The following SDK1 variants were observed in gnomAD, a reference collection of about 807,000 sequenced individuals.
SDK1 encodes the protein protein sidekick-1.
A neutral mutation model predicts 245.5 loss-of-function variants in SDK1; 157 were observed. The ratio of observed to expected loss-of-function variants is 0.64; its 90% confidence interval spans 0.56 to 0.73. SDK1 has a LOEUF of 0.73. Ranked by LOEUF, SDK1 falls within the 30% of genes least tolerant of loss-of-function variation. The pLI, the probability that SDK1 is intolerant of heterozygous loss-of-function variation, is 0.00. For synonymous variants in SDK1, 1,647 were observed against 1,278.5 expected, an observed-to-expected ratio of 1.29 and a Z score of -6.15; for missense variants, 3,583 against 3,002.3, an observed-to-expected ratio of 1.19 and a Z score of -4.52.
chr7:4,173,860 C>T (rs944390745), intron 32 of SDK1, among the ~76,000 whole-genome samples: 4 of 152,184 alleles, frequency 2.6e-5, no homozygotes, highest in East Asian at 1.9e-4. Context: ...GGCCGCCTCT[C>T]GAGGTTCCAC....
intron 4 of SDK1, among the ~76,000 whole-genome samples, chr7:3,679,268 A>G (rs545335964): frequency 6.6e-6 from 1 of 152,336 alleles, no homozygotes; most frequent in East Asian, 1.9e-4. Context: ...AATTCCTATT[A>G]GAAAATGGGC....
At chr7:3,654,773 G>A (rs78601625) in intron 4 of SDK1, among the ~76,000 whole-genome samples, 3,922 of 152,264 alleles carry the variant, frequency 0.026, 171 homozygotes, top group African/African-American at 0.089. Flanking sequence ...AGTTGGCCAT[G>A]TAGTATCTAA....
chr7:3,995,078 T>G (rs901377633), intron 14 of SDK1, among the ~76,000 whole-genome samples: 1 of 152,156 alleles, frequency 6.6e-6, no homozygotes, highest in Admixed American at 6.5e-5. Flanking sequence ...ATTCTAGGCT[T>G]CTTAGCATGG....
chr7:3,868,974 A>G (rs1227924742), intron 5 of SDK1, among the ~76,000 whole-genome samples: 4 of 152,190 alleles, frequency 2.6e-5, no homozygotes, highest in African/African-American at 4.8e-5. Context: ...AGGCAGTAAT[A>G]CAAAAGGGAA....
chr7:4,177,227 C>A (rs1391102366), intron 34 of SDK1, among the ~76,000 whole-genome samples: 1 of 152,212 alleles, frequency 6.6e-6, no homozygotes. Flanking sequence ...GGGCTGGTAG[C>A]TGGCAGGAGG....
chr7:3,401,529 G>T (rs1201070044), intron 1 of SDK1, among the ~76,000 whole-genome samples: 1 of 152,110 alleles, frequency 6.6e-6, no homozygotes, highest in African/African-American at 2.4e-5. Context: ...TTTGCTGGGG[G>T]AAAATAACAA....
chr7:3,704,071 C>A (rs1784817488), intron 4 of SDK1, among the ~76,000 whole-genome samples: 1 of 152,078 alleles, frequency 6.6e-6, no homozygotes, highest in African/African-American at 2.4e-5. Flanking sequence ...TTCCCATAGT[C>A]CATTATATTG....
intron 5 of SDK1, among the ~76,000 whole-genome samples, chr7:3,895,930 G>A (rs535144841): frequency 1.3e-5 from 2 of 152,014 alleles, no homozygotes; most frequent in South Asian, 2.1e-4. Flanking sequence ...TTAATTCTGC[G>A]GTGGCCAGAA....
chr7:4,208,015 C>G (rs962465653), intron 36 of SDK1, 84 bp from the exon 37 acceptor site: 6 of 1,034,680 alleles, frequency 5.8e-6, no homozygotes, highest in Non-Finnish European at 8.7e-6. Flanking sequence ...AGCTCACCCC[C>G]TCGCTTTGAC....
intron 1 of SDK1, among the ~76,000 whole-genome samples, chr7:3,386,877 A>G (rs1267984073): frequency 6.6e-6 from 1 of 152,226 alleles, no homozygotes; most frequent in African/African-American, 2.4e-5. Context: ...AACTAACACA[A>G]GGCTGTCATG....
chr7:3,537,771 G>C (rs567645997), intron 1 of SDK1, among the ~76,000 whole-genome samples: 1 of 152,284 alleles, frequency 6.6e-6, no homozygotes, highest in East Asian at 1.9e-4. Context: ...GAGCTGGTCA[G>C]GTTCCCTGGA....
chr7:3,861,130 A>G (rs1036900239), intron 5 of SDK1, among the ~76,000 whole-genome samples: 11 of 152,194 alleles, frequency 7.2e-5, no homozygotes, highest in Admixed American at 2.6e-4. Context: ...ACATGATCAC[A>G]GGGAGACACG....
chr7:3,418,145 G>GCAAA lies in SDK1; in HGVS notation c.298+116261_298+116262insCAAA, dbSNP rs1292199670. Among the ~76,000 whole-genome samples, 93 of 119,710 alleles carry GCAAA rather than the reference G, an allele frequency of 7.8e-4. 6 individuals are homozygous for GCAAA. Among genetic ancestry groups the GCAAA allele is most frequent in the African/African-American group, 1.5e-3 (39 of 25,776 alleles). The allele number at this position is 119,710 out of a possible 152,430, so 78.5% of individuals were successfully genotyped here. A position where few individuals can be genotyped will look rare whatever the true frequency, so the allele number is the denominator to read the frequency against. On this transcript the variant is annotated intron_variant, in intron 1 of 44. Coordinates refer to ENST00000404826, the MANE Select transcript of SDK1 (RefSeq NM_152744.4). ...GTGAAACCCGATCTCTACTAAAAAT[G>GCAAA]AAAAAAAAAAAAAAAAAAAAAAATA...
At chr7:3,557,428 G>A (rs1779621929) in intron 1 of SDK1, among the ~76,000 whole-genome samples, 1 of 152,206 alleles carries the variant, frequency 6.6e-6, no homozygotes, top group Non-Finnish European at 1.5e-5. Flanking sequence ...TAGGGAAATG[G>A]AGAGAGGGTA....
At chr7:3,709,473 C>T (rs555467078) in intron 4 of SDK1, among the ~76,000 whole-genome samples, 1 of 152,310 alleles carries the variant, frequency 6.6e-6, no homozygotes, top group South Asian at 2.1e-4. Flanking sequence ...TTGCCAGGTT[C>T]CCTGGAGGCA....
At chr7:3,487,236 A>G (rs866021929) in intron 1 of SDK1, among the ~76,000 whole-genome samples, 3 of 152,226 alleles carry the variant, frequency 2.0e-5, no homozygotes, top group Non-Finnish European at 2.9e-5. Flanking sequence ...TTTATGTAAT[A>G]TCGTATATGT....
chr7:3,875,157 G>C (rs998629651), intron 5 of SDK1, among the ~76,000 whole-genome samples: 1 of 152,180 alleles, frequency 6.6e-6, no homozygotes, highest in African/African-American at 2.4e-5. Context: ...GGTTGGGTCT[G>C]TTTCTCCCTG....
chr7:3,559,913 G>C (rs910918597), intron 1 of SDK1, among the ~76,000 whole-genome samples: 4 of 152,104 alleles, frequency 2.6e-5, no homozygotes, highest in African/African-American at 7.2e-5. Flanking sequence ...AAATGTTTCA[G>C]GATGATTGAT....
chr7:3,648,216 G>A (rs1238279586), intron 4 of SDK1, among the ~76,000 whole-genome samples: 1 of 152,124 alleles, frequency 6.6e-6, no homozygotes, highest in African/African-American at 2.4e-5. Flanking sequence ...GAATATCGAT[G>A]CCATGCTGTA....
Sources: gnomAD v4.1 joint callset for allele counts (sites outside exome capture counted in the v4.1 genomes callset) on GRCh38, gnomAD v4.1.1 for gene constraint, MANE v1.5 for transcripts, NCBI Gene and HGNC (gene_info 2026-07-23, HGNC 2026-07-21) for gene names.